TXNRD1: variants seen among roughly 807,000 people sequenced by gnomAD.
The protein encoded by TXNRD1 is thioredoxin reductase 1.
TXNRD1 carries 57 observed loss-of-function variants against 80.3 expected under a neutral mutation model. The observed-to-expected ratio is 0.71, with a 90% CI of 0.57 to 0.89. The LOEUF (loss-of-function observed/expected upper bound fraction) is 0.89. Ranked by LOEUF, TXNRD1 falls within the 40% of genes least tolerant of loss-of-function variation. The probability of loss-of-function intolerance (pLI) is 0.00; values close to 1 mark genes in which losing one functional copy is unlikely to be tolerated. For synonymous variants in TXNRD1, 291 were observed against 285.2 expected (o/e 1.02, Z -0.20); for missense variants, 730 against 803.0 (o/e 0.91, Z 1.10).
rs145721922 is a variant in TXNRD1 at position 104,236,335 on chromosome 12, A to G, written c.92-15192A>G. Among the ~76,000 whole-genome samples, 814 of 152,296 alleles carry G rather than the reference A, an allele frequency of 5.3e-3. 3 individuals are homozygous for G. Among genetic ancestry groups the G allele is most frequent in the Non-Finnish European group, 7.1e-3 (481 of 68,024 alleles). On this transcript the variant is annotated intron_variant, in intron 1 of 16. Coordinates refer to ENST00000525566, the MANE Select transcript of TXNRD1 (RefSeq NM_001093771.3). ...AAAGCTTCCTATCACTCCTTTGAAA[A>G]TACCTTGTACACTTGCATTAAGTCA...
chr12:104,271,741 G>T (rs1366296749), intron 3 of TXNRD1, among the ~76,000 whole-genome samples: 1 of 152,014 alleles, frequency 6.6e-6, no homozygotes, highest in East Asian at 1.9e-4. Context: ...GGATGTATAC[G>T]TGCAGGTCAC....
chr12:104,235,143 C>G (rs1285456569), intron 1 of TXNRD1, among the ~76,000 whole-genome samples: 1 of 152,208 alleles, frequency 6.6e-6, no homozygotes, highest in Non-Finnish European at 1.5e-5. Flanking sequence ...CTTCTGGTCA[C>G]TGTGAGAGCA....
intron 15 of TXNRD1, 61 bp downstream of exon 15, chr12:104,334,393 T>C: frequency 9.2e-7 from 1 of 1,090,646 alleles, no homozygotes; most frequent in Non-Finnish European, 1.2e-6. Flanking sequence ...TTGTTGTTGT[T>C]TTTTTTTTAG....
chr12:104,254,644 A>AAAAAAAAAAAAAAAAAAAT, intron 2 of TXNRD1, among the ~76,000 whole-genome samples: 4 of 93,638 alleles, frequency 4.3e-5, no homozygotes, highest in Middle Eastern at 6.3e-3. Context: ...AAAAAAAAAA[A>AAAAAAAAAAAAAAAAAAAT]ATATATATAT....
At position 104,339,210 on chromosome 12, in the gene TXNRD1, C is replaced by A; in HGVS notation, c.1818C>A (p.Leu606=). The A allele has an allele frequency of 6.2e-7, 1 of 1,613,954 alleles. No homozygotes were observed. Among genetic ancestry groups the A allele is most frequent in the South Asian group, 1.1e-5 (1 of 91,070 alleles). ...TTACACAAGGCTTTGCAGCTGCGCT[C>A]AAATGTGGACTGACCAAAAAGCAGC... ...GEVTQGFAAA[L]KCGLTKKQLD... The change falls in exon 16 of 17, where the codon CTC becomes CTA. Residue 606 remains leucine (L), a synonymous_variant. Coordinates refer to ENST00000525566, the MANE Select transcript of TXNRD1 (RefSeq NM_001093771.3).
At chr12:104,266,140 T>C (rs1319723224) in intron 3 of TXNRD1, among the ~76,000 whole-genome samples, 2 of 152,192 alleles carry the variant, frequency 1.3e-5, no homozygotes, top group African/African-American at 2.4e-5. Flanking sequence ...TCCTCCCACC[T>C]TAGCCTTCCA....
chr12:104,335,287 C>T (rs1241383952), intron 15 of TXNRD1, among the ~76,000 whole-genome samples: 7 of 150,712 alleles, frequency 4.6e-5, no homozygotes, highest in African/African-American at 7.3e-5. Context: ...CTGCAACCTT[C>T]GCCTCCCAGG....
chr12:104,252,241 C>T (rs183484592), intron 2 of TXNRD1, among the ~76,000 whole-genome samples: 40 of 151,942 alleles, frequency 2.6e-4, no homozygotes, highest in Non-Finnish European at 5.9e-5. Flanking sequence ...GTTACCAAAC[C>T]GGTTGATTTG....
At chr12:104,280,254 C>T (rs2033849017) in intron 3 of TXNRD1, 1 of 152,164 alleles carries the variant, frequency 6.6e-6, no homozygotes, top group Non-Finnish European at 1.5e-5. Flanking sequence ...CCACCATTTT[C>T]ATAAGTGACC....
chr12:104,247,901 G>A (rs560739937), intron 1 of TXNRD1, among the ~76,000 whole-genome samples: 2 of 152,268 alleles, frequency 1.3e-5, no homozygotes, highest in African/African-American at 4.8e-5. Flanking sequence ...CAGCTCTGAC[G>A]CTGATACCAA....
At chr12:104,310,239 T>TC (rs2035087321) in intron 4 of TXNRD1, 1 of 982,314 alleles carries the variant, frequency 1.0e-6, no homozygotes, top group Non-Finnish European at 1.4e-6. Flanking sequence ...AACGTCTGCC[T>TC]CCCGGGTTCA....
At chr12:104,305,810 T>A (rs752821698) in intron 4 of TXNRD1, among the ~76,000 whole-genome samples, 5 of 152,236 alleles carry the variant, frequency 3.3e-5, no homozygotes, top group Non-Finnish European at 7.3e-5. Flanking sequence ...TGTCCCTTTG[T>A]GGTCTTTGCT....
chr12:104,232,118 C>T (rs746037326), intron 1 of TXNRD1, among the ~76,000 whole-genome samples: 2 of 152,160 alleles, frequency 1.3e-5, no homozygotes, highest in Non-Finnish European at 2.9e-5. Flanking sequence ...TTTGGATTGG[C>T]TTTGATGAAA....
At position 104,314,874 on chromosome 12, in the gene TXNRD1, T is replaced by C. The variant is rs192847509; in HGVS notation, c.611-903T>C. On this transcript the variant is annotated intron_variant, in intron 6 of 16. Coordinates refer to ENST00000525566, the MANE Select transcript of TXNRD1 (RefSeq NM_001093771.3). ...CTCCTGCCTCAGCCTCCTTAGTAGC[T>C]GGGATTACAGACACGTACCACCATG... Among the ~76,000 whole-genome samples the C allele has an allele frequency of 1.3e-4, 19 of 151,814 alleles. 1 individual carries two copies. In the East Asian group the frequency reaches 3.3e-3, roughly 26 times the overall value.
intron 1 of TXNRD1, among the ~76,000 whole-genome samples, chr12:104,230,594 C>G (rs1287164899): frequency 3.3e-5 from 5 of 152,092 alleles, no homozygotes; most frequent in Non-Finnish European, 5.9e-5. Context: ...TTTTCATGTG[C>G]TTACTGTTTA....
rs2036592909 is a variant in TXNRD1, at chr12:104,349,801, T to A, written c.*1380T>A. Reference sequence around the variant, plus strand: ...TGCTACTCTACCTGTATTTCTCAGTTGCAGCACTGAGTGGTCAAAATACAT... The same window carrying A: ...TGCTACTCTACCTGTATTTCTCAGTAGCAGCACTGAGTGGTCAAAATACAT... On this transcript the variant is annotated 3_prime_UTR_variant, in exon 17 of 17. Coordinates refer to ENST00000525566, the MANE Select transcript of TXNRD1 (RefSeq NM_001093771.3). 1 of 152,550 alleles carries A rather than the reference T, an allele frequency of 6.6e-6. No individual in the cohort carries two copies. The highest frequency in any genetic ancestry group is 1.5e-5 in the Non-Finnish European group (1 of 68,054). The allele number at this position is 152,550 out of a possible 1,614,324, so 9.4% of individuals were successfully genotyped here.
At chr12:104,345,756 T>G (rs2036468230) in intron 16 of TXNRD1, among the ~76,000 whole-genome samples, 1 of 152,184 alleles carries the variant, frequency 6.6e-6, no homozygotes, top group African/African-American at 2.4e-5. Context: ...AAAGTTTTTG[T>G]GTTTTTTGTT....
At chr12:104,227,245 A>G (rs1489118541) in intron 1 of TXNRD1, among the ~76,000 whole-genome samples, 1 of 151,808 alleles carries the variant, frequency 6.6e-6, no homozygotes, top group Admixed American at 6.6e-5. Context: ...TGTCCTTTTA[A>G]TTTTTTATTA....
intron 1 of TXNRD1, among the ~76,000 whole-genome samples, chr12:104,242,380 T>C (rs2032893381): frequency 6.6e-6 from 1 of 151,998 alleles, no homozygotes; most frequent in East Asian, 2.0e-4. Flanking sequence ...AAACCCCGTC[T>C]GTACTAAAAA....
Sources: gnomAD v4.1 joint callset for allele counts (sites outside exome capture counted in the v4.1 genomes callset) on GRCh38, gnomAD v4.1.1 for gene constraint, MANE v1.5 for transcripts, NCBI Gene and HGNC (gene_info 2026-07-23, HGNC 2026-07-21) for gene names.